Variants in SKAP1 observed in about 807,000 individuals in gnomAD.
SKAP1 encodes src kinase-associated phosphoprotein 1.
A neutral mutation model predicts 58.5 loss-of-function variants in SKAP1; 44 were observed. The ratio of observed to expected loss-of-function variants is 0.75; its 90% CI spans 0.59 to 0.97. The LOEUF (loss-of-function observed/expected upper bound fraction) is 0.97, where lower values mean the gene tolerates loss of function less well. Among genes scored for constraint, SKAP1 ranks in the 50% least tolerant of loss-of-function variants. The pLI is 0.00. For missense variants in SKAP1, 390 were observed against 435.2 expected (o/e 0.90, Z 0.92); for synonymous variants, 127 against 149.7 (o/e 0.85, Z 1.11).
At chr17:48,359,348 A>T (rs916441393) in intron 3 of SKAP1, among the ~76,000 whole-genome samples, 14 of 152,136 alleles carry the variant, frequency 9.2e-5, no homozygotes, top group Admixed American at 2.6e-4. Flanking sequence ...AACTGTTTTT[A>T]AAAAAATTAA....
At chr17:48,340,435 G>T (rs2066636124) in intron 4 of SKAP1, among the ~76,000 whole-genome samples, 2 of 151,830 alleles carry the variant, frequency 1.3e-5, no homozygotes, top group South Asian at 4.1e-4. Context: ...GGAGAGAAAA[G>T]AAAATCTAGG....
At chr17:48,436,811 C>T in the SKAP1 span, among the ~76,000 whole-genome samples, 2 of 152,150 alleles carry the variant, frequency 1.3e-5, no homozygotes, top group Non-Finnish European at 2.9e-5. Flanking sequence ...GATATCTCTC[C>T]CAAGAGCATC....
chr17:48,327,334 T>C (rs918709602), intron 4 of SKAP1, among the ~76,000 whole-genome samples: 3 of 152,242 alleles, frequency 2.0e-5, no homozygotes, highest in African/African-American at 7.2e-5. Flanking sequence ...ATTAAGCTAA[T>C]GGAACATTCT....
chr17:48,415,197 A>C (rs2067717419), intron 1 of SKAP1, among the ~76,000 whole-genome samples: 1 of 152,190 alleles, frequency 6.6e-6, no homozygotes, highest in African/African-American at 2.4e-5. Context: ...AAATTTCGTA[A>C]AAGTATTTGA....
chr17:48,376,178 C>T (rs1036137824), intron 2 of SKAP1, among the ~76,000 whole-genome samples: 5 of 152,092 alleles, frequency 3.3e-5, no homozygotes, highest in Non-Finnish European at 5.9e-5. Flanking sequence ...AGCTACTCTT[C>T]GACCACTGAG....
intron 4 of SKAP1, among the ~76,000 whole-genome samples, chr17:48,206,617 G>A (rs2064814049): frequency 1.3e-5 from 2 of 152,062 alleles, no homozygotes; most frequent in Admixed American, 1.3e-4. Flanking sequence ...GGATGGAATA[G>A]GAATGCTGAC....
At chr17:48,425,947 C>T (rs2067850023) in intron 1 of SKAP1, among the ~76,000 whole-genome samples, 1 of 152,088 alleles carries the variant, frequency 6.6e-6, no homozygotes, top group African/African-American at 2.4e-5. Flanking sequence ...AAAGAGTGCT[C>T]TAAAGAGGTT....
chr17:48,325,438 T>C (rs1481191129), intron 4 of SKAP1, among the ~76,000 whole-genome samples: 1 of 152,096 alleles, frequency 6.6e-6, no homozygotes, highest in African/African-American at 2.4e-5. Context: ...GAATATTATC[T>C]TTCCAACTAG....
chr17:48,429,825 A>C (rs1015242002), intron 1 of SKAP1, among the ~76,000 whole-genome samples: 2 of 152,154 alleles, frequency 1.3e-5, no homozygotes, highest in Non-Finnish European at 2.9e-5. Flanking sequence ...AGGACTTTAG[A>C]AGCCGGGGAG....
chr17:48,218,219 A>T (rs564280271), intron 4 of SKAP1, among the ~76,000 whole-genome samples: 1 of 152,324 alleles, frequency 6.6e-6, no homozygotes, highest in East Asian at 1.9e-4. Context: ...AGACAGTAAG[A>T]ATGTTGCAGG....
At chr17:48,433,735 C>A (rs967388758), upstream of SKAP1, among the ~76,000 whole-genome samples, 1 of 152,180 alleles carries the variant, frequency 6.6e-6, no homozygotes, top group Non-Finnish European at 1.5e-5. Flanking sequence ...GCACAACATG[C>A]AGAAAACACA....
In SKAP1 at chr17:48,276,163, A is replaced by AC. The variant is rs974607939; in HGVS notation, c.280+69741dup. ...TATGATTCACAACTAACCGTAATCT[A>AC]CCCCCCCAGCCACTCTCTCTAAATA... On this transcript the variant is annotated intron_variant, in intron 4 of 12. Transcript: ENST00000336915. 2.4e-3 allele frequency among the ~76,000 whole-genome samples: 360 copies of AC among 151,196 alleles called. 6 individuals are homozygous for AC. Among genetic ancestry groups the AC allele is most frequent in the African/African-American group, 8.3e-3 (343 of 41,302 alleles).
At chr17:48,134,990 A>G (rs962839207) in intron 12 of SKAP1, among the ~76,000 whole-genome samples, 1 of 152,188 alleles carries the variant, frequency 6.6e-6, no homozygotes, top group Non-Finnish European at 1.5e-5. Flanking sequence ...GGTGTAAGCC[A>G]CCATGCCCGG....
In SKAP1 at chr17:48,425,268, G is replaced by A. The variant is rs191349115; in HGVS notation, c.46+4807C>T. Among the ~76,000 whole-genome samples the A allele has an allele frequency of 1.4e-4, 21 of 152,078 alleles. No individual in the cohort carries two copies. The East Asian group carries it at 1.7e-3, about 13-fold the overall frequency. ...GTGAGACTCCATCTCAAAAAGAAAC[G>A]AAAACCCTCAGGAGACAATAACAAG... On this transcript the variant is annotated intron_variant, in intron 1 of 12. Coordinates refer to ENST00000336915, the MANE Select transcript of SKAP1 (RefSeq NM_003726.4).
chr17:48,423,237 T>C (rs2067817112), intron 1 of SKAP1, among the ~76,000 whole-genome samples: 1 of 152,094 alleles, frequency 6.6e-6, no homozygotes, highest in African/African-American at 2.4e-5. Flanking sequence ...GAGGAGTGGA[T>C]TATAAATGAA....
chr17:48,429,444 T>C (rs1348450830), intron 1 of SKAP1, among the ~76,000 whole-genome samples: 1 of 152,118 alleles, frequency 6.6e-6, no homozygotes. Flanking sequence ...AGTTGGAAGG[T>C]GAACACACCA....
chr17:48,333,914 T>C, intron 4 of SKAP1, among the ~76,000 whole-genome samples: 1 of 152,034 alleles, frequency 6.6e-6, no homozygotes, highest in East Asian at 1.9e-4. Flanking sequence ...ATCATCCTGA[T>C]GTTTCCTAGG....
intron 4 of SKAP1, among the ~76,000 whole-genome samples, chr17:48,250,188 TA>T (rs2065345454): frequency 6.7e-6 from 1 of 149,224 alleles, no homozygotes; most frequent in Non-Finnish European, 1.5e-5. Flanking sequence ...TGTGAGATTA[TA>T]ACAGTTTGGA....
rs568612625 is a variant in SKAP1 at position 48,189,594 on chromosome 17, C to T, written c.281-94G>A. On this transcript the variant is annotated intron_variant, in intron 4 of 12. Coordinates refer to ENST00000336915, the MANE Select transcript of SKAP1 (RefSeq NM_003726.4). ...GGTAATTCACATTAATAACAGAGTA[C>T]AAAAAGGGCAATTGCTTAAACACAG... 182 of 775,250 alleles carry T rather than the reference C, an allele frequency of 2.3e-4. 1 individual carries two copies. The highest frequency in any genetic ancestry group is 1.8e-3 in the South Asian group (107 of 58,152). 48.0% of individuals were successfully genotyped at this position (775,250 alleles called of 1,614,324 possible).
Sources: allele counts gnomAD v4.1 joint callset (sites outside exome capture counted in the v4.1 genomes callset), GRCh38; gene constraint gnomAD v4.1.1; transcripts MANE v1.5; gene names NCBI Gene and HGNC (gene_info 2026-07-23, HGNC 2026-07-21).